The following LRRC4C variants were observed in gnomAD, a reference collection of about 807,000 sequenced individuals.
The protein encoded by LRRC4C is leucine-rich repeat-containing protein 4C.
A neutral mutation model predicts 33.6 loss-of-function variants in LRRC4C; 5 were observed. That is an observed-to-expected ratio of 0.15 (90% CI 0.08 to 0.31). The LOEUF (loss-of-function observed/expected upper bound fraction) is 0.31, where lower values mean the gene tolerates loss of function less well. LRRC4C is among the 10% of genes least tolerant of loss of function. The probability of loss-of-function intolerance (pLI) is 1.00; values close to 1 mark genes in which losing one functional copy is unlikely to be tolerated. For synonymous variants in LRRC4C, 329 were observed against 302.0 expected (o/e 1.09, Z -0.93); for missense variants, 560 against 796.7 (o/e 0.70, Z 3.58).
At chr11:40,630,026 A>G (rs913112753) in intron 3 of LRRC4C, among the ~76,000 whole-genome samples, 3 of 152,128 alleles carry the variant, frequency 2.0e-5, no homozygotes, top group Admixed American at 2.0e-4. Flanking sequence ...TATAATAAAT[A>G]ATCTCTAAAA....
intron 3 of LRRC4C, among the ~76,000 whole-genome samples, chr11:40,547,547 C>T (rs1240264910): frequency 6.6e-6 from 1 of 152,056 alleles, no homozygotes; most frequent in African/African-American, 2.4e-5. Context: ...GCCTTTAATG[C>T]TACCTAAATG....
At chr11:40,838,801 T>C (rs1160275208) in intron 2 of LRRC4C, among the ~76,000 whole-genome samples, 1 of 151,998 alleles carries the variant, frequency 6.6e-6, no homozygotes, top group Non-Finnish European at 1.5e-5. Context: ...ATAATGCCAG[T>C]AAAAACTGCT....
At chr11:40,264,772 T>G (rs1435801124) in intron 4 of LRRC4C, among the ~76,000 whole-genome samples, 2 of 152,174 alleles carry the variant, frequency 1.3e-5, no homozygotes, top group Non-Finnish European at 2.9e-5. Flanking sequence ...CTGAATTCAG[T>G]ACTGGAGAAG....
At chr11:40,279,399 C>A (rs532402426) in intron 4 of LRRC4C, among the ~76,000 whole-genome samples, 1 of 152,136 alleles carries the variant, frequency 6.6e-6, no homozygotes, top group Admixed American at 6.6e-5. Flanking sequence ...TACACCATTG[C>A]GCATTCAGAA....
At chr11:40,404,095 G>A (rs908406615) in intron 3 of LRRC4C, among the ~76,000 whole-genome samples, 30 of 152,118 alleles carry the variant, frequency 2.0e-4, no homozygotes, top group African/African-American at 6.8e-4. Context: ...GTGCTTGTTC[G>A]TAGTGGCAGT....
intron 3 of LRRC4C, among the ~76,000 whole-genome samples, chr11:40,489,230 C>T (rs1565439815): frequency 6.6e-6 from 1 of 152,106 alleles, no homozygotes; most frequent in African/African-American, 2.4e-5. Flanking sequence ...TCAAGTTTTA[C>T]TTATTTTAAA....
intron 1 of LRRC4C, among the ~76,000 whole-genome samples, chr11:41,198,895 T>G (rs1946292813): frequency 6.6e-6 from 1 of 152,058 alleles, no homozygotes; most frequent in African/African-American, 2.4e-5. Context: ...TGAGCAAAAT[T>G]TAGAACTCAG....
At chr11:41,411,140 C>CTTT (rs1249968357) in intron 1 of LRRC4C, among the ~76,000 whole-genome samples, 2 of 49,916 alleles carry the variant, frequency 4.0e-5, no homozygotes, top group Non-Finnish European at 6.5e-5. Context: ...GGTTGGTACC[C>CTTT]TATTTTTTTT....
chr11:40,956,596 A>C (rs901697435), intron 1 of LRRC4C, among the ~76,000 whole-genome samples: 4 of 151,752 alleles, frequency 2.6e-5, no homozygotes, highest in Admixed American at 6.6e-5. Flanking sequence ...ATAAGAAGAA[A>C]TTGGAATAAA....
intron 1 of LRRC4C, among the ~76,000 whole-genome samples, chr11:41,369,644 G>A (rs147938145): frequency 4.9e-4 from 75 of 152,262 alleles, no homozygotes; most frequent in African/African-American, 1.8e-3. Flanking sequence ...TTAGTTTTGA[G>A]TATTGTTGAG....
intron 4 of LRRC4C, among the ~76,000 whole-genome samples, chr11:40,283,987 G>A (rs4390332): frequency 0.97 from 148,060 of 152,162 alleles, 72,173 homozygotes; most frequent in East Asian, 1. Flanking sequence ...ACAGGTGTGA[G>A]CCACCACACC....
chr11:40,158,184 G>A (rs939424447), intron 5 of LRRC4C, among the ~76,000 whole-genome samples: 9 of 152,274 alleles, frequency 5.9e-5, no homozygotes, highest in African/African-American at 1.4e-4. Flanking sequence ...TACATCGTAT[G>A]TTCTCACTGA....
At chr11:40,564,873 A>G (rs1957692136) in intron 3 of LRRC4C, among the ~76,000 whole-genome samples, 1 of 152,124 alleles carries the variant, frequency 6.6e-6, no homozygotes, top group Admixed American at 6.5e-5. Flanking sequence ...ATACTACACA[A>G]TGGAGGCATG....
chr11:40,656,280 C>T (rs553155518), intron 2 of LRRC4C, among the ~76,000 whole-genome samples: 2 of 151,686 alleles, frequency 1.3e-5, no homozygotes, highest in Non-Finnish European at 2.9e-5. Flanking sequence ...CCTATTCTCC[C>T]ATTCTTGTTT....
At chr11:40,434,519 C>G (rs1477902491) in intron 3 of LRRC4C, among the ~76,000 whole-genome samples, 1 of 152,220 alleles carries the variant, frequency 6.6e-6, no homozygotes, top group African/African-American at 2.4e-5. Context: ...CCTGGACAGT[C>G]TTTCGGGAAG....
chr11:41,021,200 AGAGAGAGAGAGAGAGT>A lies in LRRC4C; in HGVS notation c.-495-87493_-495-87478del, dbSNP rs1469867974. On this transcript the variant is annotated intron_variant, in intron 1 of 6. Transcript: ENST00000528697. ...GAGAGAGAGAGAGAGAGAGAGAGAGAGAGAGAGAGAGAGAGTGTGTGTGTGTGTGTGTTTAAGAAAA... is the reference window on the plus strand; with the variant it reads ...GAGAGAGAGAGAGAGAGAGAGAGAGAGTGTGTGTGTGTGTGTTTAAGAAAA... Among the ~76,000 whole-genome samples the A allele has an allele frequency of 6.3e-3, 207 of 33,116 alleles. 3 individuals carry two copies. The highest frequency in any genetic ancestry group is 0.011 in the African/African-American group (184 of 17,316). 21.7% of individuals were successfully genotyped at this position (33,116 alleles called of 152,430 possible).
chr11:40,408,926 C>T (rs756617036), intron 3 of LRRC4C, among the ~76,000 whole-genome samples: 6 of 151,854 alleles, frequency 4.0e-5, no homozygotes, highest in Non-Finnish European at 5.9e-5. Flanking sequence ...TCATATGGGA[C>T]CACAAAAGAC....
intron 3 of LRRC4C, among the ~76,000 whole-genome samples, chr11:40,487,649 T>A (rs1381574447): frequency 6.6e-6 from 1 of 152,022 alleles, no homozygotes; most frequent in Non-Finnish European, 1.5e-5. Flanking sequence ...TTGTGAGAAG[T>A]GGATTTCCAT....
At chr11:40,311,250 T>A (rs4755542) in intron 4 of LRRC4C, among the ~76,000 whole-genome samples, 144,587 of 152,274 alleles carry the variant, frequency 0.95, 69,078 homozygotes, top group Non-Finnish European at 1. Context: ...AGCGTATCTA[T>A]CTTTATGTTA....
Sources: gnomAD v4.1 joint callset for allele counts (sites outside exome capture counted in the v4.1 genomes callset) on GRCh38, gnomAD v4.1.1 for gene constraint, MANE v1.5 for transcripts, NCBI Gene and HGNC (gene_info 2026-07-23, HGNC 2026-07-21) for gene names.